Variants in PRIM2 observed in about 807,000 individuals in gnomAD.
The protein encoded by PRIM2 is DNA primase large subunit.
In PRIM2, 39 loss-of-function variants were observed where a neutral mutation model predicts 67.3. The ratio of observed to expected loss-of-function variants is 0.58; its 90% confidence interval spans 0.45 to 0.76. PRIM2 has a LOEUF of 0.76. PRIM2 is among the 30% of genes least tolerant of loss of function. The pLI is 0.00. For missense variants in PRIM2, 398 were observed against 598.7 expected, an observed-to-expected ratio of 0.66 and a Z score of 3.50; for synonymous variants, 143 against 198.7, an observed-to-expected ratio of 0.72 and a Z score of 2.36.
chr6:57,568,360 T>G lies in PRIM2; in HGVS notation c.1020+30735T>G, dbSNP rs1383071850. Among the ~76,000 whole-genome samples, 4 of 152,338 alleles carry G rather than the reference T, an allele frequency of 2.6e-5. No homozygotes were observed. In the East Asian group the frequency reaches 5.8e-4, roughly 22 times the overall value. On this transcript the variant is annotated intron_variant, in intron 10 of 13. Coordinates refer to ENST00000615550, the MANE Select transcript of PRIM2 (RefSeq NM_000947.5). ...TCTTTTATTGGTCTTTTCCCCTCAT[T>G]GTTTATGTGAGATTATGTCACTTAA...
chr6:57,540,451 T>C (rs1775122760), intron 10 of PRIM2, among the ~76,000 whole-genome samples: 3 of 152,164 alleles, frequency 2.0e-5, no homozygotes, highest in Non-Finnish European at 4.4e-5. Flanking sequence ...ATGCTTGAAA[T>C]ACACAGGTGT....
Position 57,624,204 on chromosome 6 carries a change from G to C in PRIM2, c.1231-7929G>C, listed in dbSNP as rs1434091295. ...CATGTTTCTCCGTATCTCTAAGCAG[G>C]CTTTACATGTGTCTTCTTGTTTGTC... On this transcript the variant is annotated intron_variant, in intron 12 of 13. Coordinates refer to ENST00000615550, the MANE Select transcript of PRIM2 (RefSeq NM_000947.5). Among the ~76,000 whole-genome samples, 11 of 152,216 alleles carry C rather than the reference G, an allele frequency of 7.2e-5. No homozygotes were observed. The South Asian group carries it at 1.2e-3, about 17-fold the overall frequency.
intron 7 of PRIM2, among the ~76,000 whole-genome samples, chr6:57,385,639 T>C (rs1581850963): frequency 6.6e-6 from 1 of 152,354 alleles, no homozygotes; most frequent in East Asian, 1.9e-4. Context: ...ATTATTTAGT[T>C]GTCACGTCTC....
intron 7 of PRIM2, among the ~76,000 whole-genome samples, chr6:57,484,007 A>G (rs1773688022): frequency 1.3e-5 from 2 of 152,212 alleles, no homozygotes; most frequent in Admixed American, 1.3e-4. Context: ...ACGATATTAA[A>G]TAGTTCTCAT....
At chr6:57,618,622 A>G (rs1418227956) in intron 12 of PRIM2, among the ~76,000 whole-genome samples, 1 of 152,110 alleles carries the variant, frequency 6.6e-6, no homozygotes, top group Admixed American at 6.6e-5. Context: ...TTCAGTTTGC[A>G]TGGGAGCTGG....
Position 57,597,498 on chromosome 6 carries a change from AAT to A in PRIM2, c.1021-3593_1021-3592del, listed in dbSNP as rs1246814124. Among the ~76,000 whole-genome samples the A allele has an allele frequency of 2.0e-5, 3 of 151,926 alleles. No homozygotes were observed. In the East Asian group the frequency reaches 5.8e-4, roughly 29 times the overall value. Reference sequence around the variant, plus strand: ...AATATTTTCCATTTTTTCCCTCACCAATAGCAGCTAATATTTATTGAGAACAA... The same window carrying A: ...AATATTTTCCATTTTTTCCCTCACCAAGCAGCTAATATTTATTGAGAACAA... On this transcript the variant is annotated intron_variant, in intron 10 of 13. Coordinates refer to ENST00000615550, the MANE Select transcript of PRIM2 (RefSeq NM_000947.5).
At chr6:57,466,300 A>G (rs1168836921) in intron 7 of PRIM2, among the ~76,000 whole-genome samples, 1 of 152,190 alleles carries the variant, frequency 6.6e-6, no homozygotes, top group Non-Finnish European at 1.5e-5. Context: ...ATGTGTCTTT[A>G]TAGTAGAATG....
chr6:57,538,279 G>A (rs1186721801), intron 10 of PRIM2, among the ~76,000 whole-genome samples: 14 of 152,040 alleles, frequency 9.2e-5, no homozygotes, highest in East Asian at 7.7e-4. Flanking sequence ...CTGCCTTGGC[G>A]TGCTGAAGGG....
chr6:57,242,201 A>G, the PRIM2 span, among the ~76,000 whole-genome samples: 1 of 152,186 alleles, frequency 6.6e-6, no homozygotes, highest in Non-Finnish European at 1.5e-5. Context: ...TCAGTAAATA[A>G]TTCTTTCTTT....
At chr6:57,639,361 C>G (rs1395249093) in intron 13 of PRIM2, among the ~76,000 whole-genome samples, 6 of 151,828 alleles carry the variant, frequency 4.0e-5, no homozygotes, top group Non-Finnish European at 7.4e-5. Context: ...CAAGAGCACA[C>G]AAATTCAAAA....
At chr6:57,234,316 A>G in the PRIM2 span, among the ~76,000 whole-genome samples, 2 of 152,220 alleles carry the variant, frequency 1.3e-5, no homozygotes, top group Non-Finnish European at 2.9e-5. Context: ...TATCTACTCC[A>G]AGTTGTGTTA....
chr6:57,372,100 A>C (rs1466757176), intron 5 of PRIM2, among the ~76,000 whole-genome samples: 2 of 152,184 alleles, frequency 1.3e-5, no homozygotes, highest in African/African-American at 4.8e-5. Context: ...TGACCCTTTA[A>C]AATTTTTACT....
chr6:57,351,675 A>G (rs1768860625), intron 5 of PRIM2, among the ~76,000 whole-genome samples: 1 of 152,072 alleles, frequency 6.6e-6, no homozygotes, highest in Non-Finnish European at 1.5e-5. Context: ...TTGGGTTAGG[A>G]TAGTATATTT....
At chr6:57,395,944 T>G (rs558243196) in intron 7 of PRIM2, among the ~76,000 whole-genome samples, 75 of 152,332 alleles carry the variant, frequency 4.9e-4, no homozygotes, top group Non-Finnish European at 8.4e-4. Flanking sequence ...TTATTTAATT[T>G]CTATGTATTT....
At chr6:57,454,265 C>G (rs1772671754) in intron 7 of PRIM2, among the ~76,000 whole-genome samples, 1 of 152,104 alleles carries the variant, frequency 6.6e-6, no homozygotes, top group Non-Finnish European at 1.5e-5. Flanking sequence ...TGTTTTGTCT[C>G]TGACAGGCTT....
the PRIM2 span, among the ~76,000 whole-genome samples, chr6:57,244,170 G>A: frequency 1.3e-5 from 2 of 152,116 alleles, no homozygotes; most frequent in African/African-American, 2.4e-5. Flanking sequence ...CATATTGACC[G>A]ATCAGAACTT....
chr6:57,548,993 A>C (rs1165979723), intron 10 of PRIM2, among the ~76,000 whole-genome samples: 14 of 152,164 alleles, frequency 9.2e-5, no homozygotes, highest in African/African-American at 3.1e-4. Context: ...GCTAGGCTCT[A>C]TAACTAATAT....
At chr6:57,513,540 T>C (rs1323762015) in intron 8 of PRIM2, among the ~76,000 whole-genome samples, 1 of 152,092 alleles carries the variant, frequency 6.6e-6, no homozygotes, top group Non-Finnish European at 1.5e-5. Context: ...TCCTCCTTTA[T>C]CCCTTGACTT....
intron 5 of PRIM2, among the ~76,000 whole-genome samples, chr6:57,378,086 T>A (rs9464456): frequency 2.7e-5 from 4 of 150,458 alleles, no homozygotes; most frequent in Non-Finnish European, 4.4e-5. Context: ...TTTTTGATAA[T>A]GGTTTGCTGT....
Sources: gnomAD v4.1 joint callset for allele counts (sites outside exome capture counted in the v4.1 genomes callset) on GRCh38, gnomAD v4.1.1 for gene constraint, MANE v1.5 for transcripts, NCBI Gene and HGNC (gene_info 2026-07-23, HGNC 2026-07-21) for gene names.